The following M1AP variants were observed in gnomAD, a reference collection of about 807,000 sequenced individuals.
M1AP encodes the protein meiosis 1 associated protein.
In M1AP, 39 loss-of-function variants were observed where a neutral mutation model predicts 51.2. The observed-to-expected ratio is 0.76, with a 90% confidence interval of 0.59 to 1.00. The LOEUF (loss-of-function observed/expected upper bound fraction) is 1.00. Among genes scored for constraint, M1AP ranks in the 50% least tolerant of loss-of-function variants. The pLI, the probability that M1AP is intolerant of heterozygous loss-of-function variation, is 0.00. For synonymous variants in M1AP, 251 were observed against 249.2 expected, an observed-to-expected ratio of 1.01 and a Z score of -0.07; for missense variants, 545 against 641.2, an observed-to-expected ratio of 0.85 and a Z score of 1.62.
intron 5 of M1AP, 45 bp downstream of exon 5, chr2:74,581,629 A>G (rs747996686): frequency 1.3e-6 from 2 of 1,580,070 alleles, no homozygotes; most frequent in South Asian, 1.1e-5. Context: ...TCCTGATCCC[A>G]GATAAGAATA....
intron 2 of M1AP, among the ~76,000 whole-genome samples, chr2:74,631,976 T>C (rs974002946): frequency 1.3e-5 from 2 of 152,224 alleles, no homozygotes; most frequent in African/African-American, 2.4e-5. Flanking sequence ...TCAGTGACAA[T>C]GGATTTAAGG....
intron 7 of M1AP, among the ~76,000 whole-genome samples, chr2:74,563,630 T>TA (rs1678182944): frequency 9.2e-6 from 1 of 108,340 alleles, no homozygotes; most frequent in African/African-American, 3.6e-5. Flanking sequence ...AAAAAAAACA[T>TA]AAAGAAAGAG....
chr2:74,599,380 A>T (rs1175189204), intron 4 of M1AP, among the ~76,000 whole-genome samples: 8 of 151,074 alleles, frequency 5.3e-5, no homozygotes, highest in African/African-American at 1.5e-4. Context: ...TTTTTTTTTT[A>T]AAGTTTTACA....
At chr2:74,639,973 T>C (rs1316891969) in intron 2 of M1AP, 63 bp downstream of exon 2, 3 of 1,407,964 alleles carry the variant, frequency 2.1e-6, no homozygotes, top group African/African-American at 2.9e-5. Flanking sequence ...GTGATCTCTA[T>C]TCCAGAAACC....
In M1AP at chr2:74,575,374, G is replaced by C. The variant is rs778966175; in HGVS notation, c.1074+64C>G. The C allele has an allele frequency of 1.9e-6, 3 of 1,602,532 alleles. No homozygotes were observed. The South Asian group carries it at 3.3e-5, about 18-fold the overall frequency. ...TAGGATTGGGCAGAGTTAGTTAGCT[G>C]CTTTTCTGTGGTTGGTACTTTAAAA... On this transcript the variant is annotated intron_variant, in intron 7 of 10. Transcript: ENST00000421985.
At chr2:74,607,322 G>C in intron 3 of M1AP, 99 bp from the exon 4 acceptor site, 1 of 1,201,486 alleles carries the variant, frequency 8.3e-7, no homozygotes, top group Non-Finnish European at 1.2e-6. Context: ...GCATAAGTCT[G>C]TGGTGGTGGC....
intron 2 of M1AP, chr2:74,628,702 T>C: frequency 1.5e-6 from 1 of 667,358 alleles, no homozygotes; most frequent in South Asian, 1.4e-5. Context: ...CCTGTGATAT[T>C]CTTTGCTGCC....
intron 4 of M1AP, among the ~76,000 whole-genome samples, chr2:74,588,713 G>T (rs1453904584): frequency 2.0e-5 from 3 of 152,194 alleles, no homozygotes; most frequent in Non-Finnish European, 4.4e-5. Flanking sequence ...CTGCAGGAAT[G>T]GACCTAGTGG....
At chr2:74,580,841 C>T (rs1679362052) in intron 5 of M1AP, among the ~76,000 whole-genome samples, 1 of 152,084 alleles carries the variant, frequency 6.6e-6, no homozygotes, top group African/African-American at 2.4e-5. Context: ...GGTACAAATT[C>T]CCACCCCTAA....
chr2:74,573,104 T>C (rs2104554103), intron 7 of M1AP, among the ~76,000 whole-genome samples: 1 of 152,000 alleles, frequency 6.6e-6, no homozygotes. Context: ...TGGAGTGCAG[T>C]GGCACGATTT....
At chr2:74,617,678 G>A (rs192826765) in intron 2 of M1AP, among the ~76,000 whole-genome samples, 1 of 152,080 alleles carries the variant, frequency 6.6e-6, no homozygotes, top group African/African-American at 2.4e-5. Context: ...TAAAATAAAA[G>A]TTAAAAAAAT....
intron 4 of M1AP, among the ~76,000 whole-genome samples, chr2:74,593,901 G>A (rs1020122592): frequency 1.3e-5 from 2 of 152,236 alleles, no homozygotes; most frequent in Non-Finnish European, 2.9e-5. Flanking sequence ...GCCAGGGTAA[G>A]GAGTCTGGGG....
intron 8 of M1AP, among the ~76,000 whole-genome samples, chr2:74,560,943 C>T (rs796952667): frequency 6.6e-5 from 10 of 152,244 alleles, no homozygotes; most frequent in African/African-American, 2.4e-4. Flanking sequence ...GGTTCCAGTT[C>T]TCCCTACCCA....
intron 4 of M1AP, among the ~76,000 whole-genome samples, chr2:74,591,825 C>T (rs973532150): frequency 3.9e-5 from 6 of 152,032 alleles, no homozygotes; most frequent in Non-Finnish European, 7.4e-5. Context: ...TCACTCTGTC[C>T]TCTAGGATGG....
intron 3 of M1AP, among the ~76,000 whole-genome samples, chr2:74,609,829 C>A (rs948844235): frequency 2.6e-5 from 4 of 152,106 alleles, no homozygotes; most frequent in Admixed American, 2.0e-4. Flanking sequence ...CATTTTTGCA[C>A]CTGCCTGTGG....
In M1AP at chr2:74,595,525, T is replaced by C. The variant is rs572259338; in HGVS notation, c.595+11530A>G. On this transcript the variant is annotated intron_variant, in intron 4 of 10. Transcript: ENST00000421985. ...CACTACCATGCCAGGCTAATTTTTG[T>C]ATTTTTTGTAGAGATGGGGTTTCAT... 3.8e-4 allele frequency among the ~76,000 whole-genome samples: 58 copies of C among 152,004 alleles called. 1 individual carries two copies. The highest frequency in any genetic ancestry group is 6.8e-3 in the Middle Eastern group (2 of 292).
chr2:74,641,641 C>T (rs966050103), intron 1 of M1AP, among the ~76,000 whole-genome samples: 2 of 141,050 alleles, frequency 1.4e-5, no homozygotes, highest in Admixed American at 7.1e-5. Context: ...GAATTTCAAT[C>T]TTTTTTTTTT....
chr2:74,616,812 T>C (rs925515824), intron 2 of M1AP, among the ~76,000 whole-genome samples: 2 of 152,258 alleles, frequency 1.3e-5, no homozygotes, highest in Non-Finnish European at 2.9e-5. Flanking sequence ...TAATTGGAAA[T>C]ATTCCTCTTA....
Position 74,557,927 on chromosome 2 carries a change from G to GGT in M1AP, c.*787_*788dup, listed in dbSNP as rs199595739. The stretch of plus-strand genomic sequence containing the variant: ...ATTATTTATGTAGAGATGGCGGGGG[G>GGT]GTCTCACAGTGTTGCTCAGGCTGGT... On this transcript the variant is annotated 3_prime_UTR_variant, in exon 11 of 11. Transcript: ENST00000421985. The GGT allele has an allele frequency of 6.8e-6, 1 of 146,570 alleles. No homozygotes were observed. Among genetic ancestry groups the GGT allele is most frequent in the African/African-American group, 2.6e-5 (1 of 37,926 alleles). 9.1% of individuals were successfully genotyped at this position (146,570 alleles called of 1,614,324 possible). A position where few individuals can be genotyped will look rare whatever the true frequency, so the allele number is the denominator to read the frequency against.
Sources: gnomAD v4.1 joint callset for allele counts (sites outside exome capture counted in the v4.1 genomes callset) on GRCh38, gnomAD v4.1.1 for gene constraint, MANE v1.5 for transcripts, NCBI Gene and HGNC (gene_info 2026-07-23, HGNC 2026-07-21) for gene names.